TRDN: variants seen among roughly 807,000 people sequenced by gnomAD.
TRDN encodes triadin in skeletal muscle.
A neutral mutation model predicts 149.7 loss-of-function variants in TRDN; 161 were observed. That is an observed-to-expected ratio of 1.08 (90% CI 0.95 to 1.23). The LOEUF (loss-of-function observed/expected upper bound fraction) is 1.23, where lower values mean the gene tolerates loss of function less well. Ranked by LOEUF, TRDN falls within the 50% of genes most tolerant of loss-of-function variation. TRDN has a pLI of 0.00. For synonymous variants in TRDN, 294 were observed against 250.5 expected, an observed-to-expected ratio of 1.17 and a Z score of -1.64; for missense variants, 896 against 823.5, an observed-to-expected ratio of 1.09 and a Z score of -1.08.
chr6:123,636,471 T>C (rs1786322370), intron 1 of TRDN, among the ~76,000 whole-genome samples: 1 of 151,938 alleles, frequency 6.6e-6, no homozygotes, highest in Non-Finnish European at 1.5e-5. Flanking sequence ...ACCATAGCTA[T>C]TTATAGAGGT....
chr6:123,607,806 T>C (rs1407151151), intron 1 of TRDN, among the ~76,000 whole-genome samples: 3 of 152,072 alleles, frequency 2.0e-5, no homozygotes, highest in African/African-American at 4.8e-5. Context: ...TCTAGACATG[T>C]AACTTTATTA....
chr6:123,455,436 G>GTC (rs759033246), intron 10 of TRDN, among the ~76,000 whole-genome samples: 6 of 145,572 alleles, frequency 4.1e-5, no homozygotes, highest in African/African-American at 1.3e-4. Flanking sequence ...GTGTGTGTGT[G>GTC]TGTCTGTGTG....
At chr6:123,455,239 A>T (rs553147716) in intron 10 of TRDN, among the ~76,000 whole-genome samples, 1 of 152,370 alleles carries the variant, frequency 6.6e-6, no homozygotes, top group African/African-American at 2.4e-5. Context: ...AATTAAACTT[A>T]GCATTTAAAA....
intron 12 of TRDN, among the ~76,000 whole-genome samples, chr6:123,406,549 G>A (rs1485703103): frequency 2.0e-5 from 3 of 151,454 alleles, no homozygotes; most frequent in Non-Finnish European, 2.9e-5. Context: ...TTTATATTAT[G>A]TAATATATAA....
intron 9 of TRDN, among the ~76,000 whole-genome samples, chr6:123,474,801 T>G (rs978802826): frequency 6.6e-5 from 10 of 151,878 alleles, no homozygotes; most frequent in African/African-American, 2.2e-4. Flanking sequence ...ACATGGAAAC[T>G]GAACAACCTG....
intron 2 of TRDN, among the ~76,000 whole-genome samples, chr6:123,559,268 T>C (rs149995133): frequency 1.2e-3 from 185 of 152,306 alleles, no homozygotes; most frequent in African/African-American, 4.2e-3. Context: ...TCCATAACTG[T>C]TGTGGGTATT....
At chr6:123,317,385 C>T (rs1779066163) in intron 23 of TRDN, among the ~76,000 whole-genome samples, 1 of 151,876 alleles carries the variant, frequency 6.6e-6, no homozygotes, top group Non-Finnish European at 1.5e-5. Context: ...AGGGATAATG[C>T]TACCAGCTTT....
chr6:123,512,422 T>C lies in TRDN; in HGVS notation c.551-60A>G. 2.9e-6 allele frequency: 3 copies of C among 1,019,990 alleles called. No individual in the cohort carries two copies. The South Asian group carries it at 4.7e-5, about 16-fold the overall frequency. The allele number at this position is 1,019,990 out of a possible 1,614,324, so 63.2% of individuals were successfully genotyped here. A position where few individuals can be genotyped will look rare whatever the true frequency, so the allele number is the denominator to read the frequency against. ...TAATAGATTTCAAAACCAAGCTTTC[T>C]TTTGACCTCAGTTTCATAAGTGCTA... On this transcript the variant is annotated intron_variant, in intron 6 of 40. Transcript: ENST00000334268.
chr6:123,396,567 T>C (rs1054726653), intron 12 of TRDN, among the ~76,000 whole-genome samples: 5 of 152,224 alleles, frequency 3.3e-5, no homozygotes, highest in Non-Finnish European at 4.4e-5. Flanking sequence ...TAGATTAAAA[T>C]GTCAGCATAA....
At chr6:123,380,941 A>T (rs1396140672) in intron 16 of TRDN, among the ~76,000 whole-genome samples, 1 of 152,060 alleles carries the variant, frequency 6.6e-6, no homozygotes, top group East Asian at 1.9e-4. Context: ...GTCATATATC[A>T]CATGGGCATG....
At chr6:123,443,615 AT>A in intron 10 of TRDN, among the ~76,000 whole-genome samples, 1 of 152,076 alleles carries the variant, frequency 6.6e-6, no homozygotes, top group Non-Finnish European at 1.5e-5. Flanking sequence ...ACAAGGGGAA[AT>A]CCCGTCACGA....
chr6:123,391,879 G>C (rs534854863), intron 13 of TRDN, among the ~76,000 whole-genome samples: 1 of 151,930 alleles, frequency 6.6e-6, no homozygotes, highest in Non-Finnish European at 1.5e-5. Flanking sequence ...TTGTCTCCAC[G>C]TGAAGTACTT....
At chr6:123,477,560 G>A (rs1259478662) in intron 9 of TRDN, among the ~76,000 whole-genome samples, 18 of 149,322 alleles carry the variant, frequency 1.2e-4, no homozygotes, top group East Asian at 5.9e-4. Flanking sequence ...CCATTACTGG[G>A]TATATACCCA....
At chr6:123,237,614 CTACA>C (rs1775839193) in intron 38 of TRDN, among the ~76,000 whole-genome samples, 1 of 152,260 alleles carries the variant, frequency 6.6e-6, no homozygotes, top group Admixed American at 6.5e-5. Flanking sequence ...TTTAGATTTG[CTACA>C]TAGACAATCA....
In TRDN at chr6:123,218,603, A is replaced by C; in HGVS notation, c.2188T>G (p.Ter730GluextTer16). 6.2e-7 allele frequency: 1 copy of C among 1,611,250 alleles called. No individual in the cohort carries two copies. Among genetic ancestry groups the C allele is most frequent in the Non-Finnish European group, 8.5e-7 (1 of 1,178,336 alleles). ...NSPGQKQQGQ[*>E] ...TTGTAAGGGTCATACATGTGTGTTT[A>C]CTGTCCTTGTTGCTTCTGTCCTGGA... The change falls in exon 41 of 41, where the codon TAA becomes GAA. Residue 730 changes from the stop codon to glutamate, a stop_lost. Coordinates refer to ENST00000334268, the MANE Select transcript of TRDN (RefSeq NM_006073.4).
At chr6:123,552,192 C>T (rs1781432331) in intron 2 of TRDN, among the ~76,000 whole-genome samples, 2 of 151,954 alleles carry the variant, frequency 1.3e-5, no homozygotes, top group South Asian at 2.1e-4. Context: ...CACTGAATGC[C>T]GGGAAAACTG....
intron 6 of TRDN, among the ~76,000 whole-genome samples, chr6:123,515,408 T>C (rs1779369158): frequency 6.6e-6 from 1 of 151,764 alleles, no homozygotes; most frequent in Admixed American, 6.6e-5. Flanking sequence ...CAGGAAAAAA[T>C]ACAGTGGAAG....
chr6:123,367,745 G>T (rs1185075494), intron 19 of TRDN, among the ~76,000 whole-genome samples: 2 of 152,164 alleles, frequency 1.3e-5, no homozygotes, highest in African/African-American at 4.8e-5. Context: ...TATGTCGGAG[G>T]CATATTCTGA....
chr6:123,331,821 T>C (rs1582882211), intron 23 of TRDN, 58 bp downstream of exon 23: 3 of 1,163,068 alleles, frequency 2.6e-6, no homozygotes, highest in Non-Finnish European at 3.6e-6. Context: ...TTGTTGCAAA[T>C]AACTGAATAT....
Sources: allele counts gnomAD v4.1 joint callset (sites outside exome capture counted in the v4.1 genomes callset), GRCh38; gene constraint gnomAD v4.1.1; transcripts MANE v1.5; gene names NCBI Gene and HGNC (gene_info 2026-07-23, HGNC 2026-07-21).